Variants in NYAP2 observed in about 807,000 individuals in gnomAD.
NYAP2 encodes the protein neuronal tyrosine-phosphorylated phosphoinositide-3-kinase adaptor 2.
Under a neutral mutation model 50.4 loss-of-function variants are expected in NYAP2, and 23 were observed. The observed-to-expected ratio is 0.46, with a 90% CI of 0.33 to 0.65. The LOEUF (loss-of-function observed/expected upper bound fraction) is 0.65, where lower values mean the gene tolerates loss of function less well. Ranked by LOEUF, NYAP2 falls within the 30% of genes least tolerant of loss-of-function variation. The pLI is 0.02. For missense variants in NYAP2, 885 were observed against 861.0 expected (o/e 1.03, Z -0.35); for synonymous variants, 394 against 365.2 (o/e 1.08, Z -0.90).
At chr2:225,566,398 C>A (rs975761828) in intron 4 of NYAP2, among the ~76,000 whole-genome samples, 3 of 152,184 alleles carry the variant, frequency 2.0e-5, no homozygotes, top group Non-Finnish European at 4.4e-5. Context: ...GGATAATCCT[C>A]AGTAGACTGT....
intron 4 of NYAP2, among the ~76,000 whole-genome samples, chr2:225,524,014 A>T (rs1691110525): frequency 6.6e-6 from 1 of 152,190 alleles, no homozygotes; most frequent in African/African-American, 2.4e-5. Flanking sequence ...AAAAGAATGA[A>T]GCTTGTATTA....
the NYAP2 span, among the ~76,000 whole-genome samples, chr2:225,664,996 T>C: frequency 6.6e-6 from 1 of 152,146 alleles, no homozygotes; most frequent in Non-Finnish European, 1.5e-5. Flanking sequence ...AGGCAGAACA[T>C]GAACTATGAT....
intron 3 of NYAP2, among the ~76,000 whole-genome samples, chr2:225,430,209 T>C (rs866426167): frequency 6.6e-6 from 1 of 152,202 alleles, no homozygotes; most frequent in South Asian, 2.1e-4. Flanking sequence ...TCCTTTCTAT[T>C]GAACTCACCA....
the NYAP2 span, among the ~76,000 whole-genome samples, chr2:225,695,896 C>A: frequency 6.6e-6 from 1 of 151,880 alleles, no homozygotes; most frequent in Non-Finnish European, 1.5e-5. Context: ...GCATAAAATA[C>A]AGCCCATTTT....
chr2:225,687,134 A>G, the NYAP2 span, among the ~76,000 whole-genome samples: 1 of 152,110 alleles, frequency 6.6e-6, no homozygotes, highest in African/African-American at 2.4e-5. Flanking sequence ...TGCAATTCTA[A>G]TTCTGTCTTC....
intron 3 of NYAP2, among the ~76,000 whole-genome samples, chr2:225,475,215 A>G (rs556693882): frequency 2.0e-5 from 3 of 152,292 alleles, no homozygotes; most frequent in African/African-American, 7.2e-5. Context: ...AACTTATCCA[A>G]ACTGACCAGT....
chr2:225,515,713 T>C (rs1237099956), intron 4 of NYAP2, among the ~76,000 whole-genome samples: 3 of 152,216 alleles, frequency 2.0e-5, no homozygotes, highest in African/African-American at 7.2e-5. Flanking sequence ...ATGGTGCTTT[T>C]CATTTCTCTT....
chr2:225,680,362 T>C, the NYAP2 span, among the ~76,000 whole-genome samples: 5 of 151,936 alleles, frequency 3.3e-5, no homozygotes, highest in Admixed American at 6.5e-5. Context: ...TGCTTACACA[T>C]AGAAAGGGGT....
intron 4 of NYAP2, among the ~76,000 whole-genome samples, chr2:225,544,453 C>T (rs1010762082): frequency 6.6e-6 from 1 of 151,728 alleles, no homozygotes; most frequent in Admixed American, 6.6e-5. Flanking sequence ...ATTTGAGTTA[C>T]CATGAGGTTT....
the NYAP2 span, among the ~76,000 whole-genome samples, chr2:225,673,492 A>G: frequency 1.1e-4 from 17 of 152,266 alleles, no homozygotes; most frequent in African/African-American, 3.9e-4. Flanking sequence ...ATGAAGCACA[A>G]TAAAGCAAAG....
downstream of NYAP2, among the ~76,000 whole-genome samples, chr2:225,657,884 T>TATG (rs762214036): frequency 3.3e-5 from 5 of 152,210 alleles, no homozygotes; most frequent in African/African-American, 4.8e-5. Context: ...AGCCACAGAA[T>TATG]ATGTAGTTGG....
At chr2:225,597,102 T>A (rs1692612987) in intron 5 of NYAP2, among the ~76,000 whole-genome samples, 1 of 152,128 alleles carries the variant, frequency 6.6e-6, no homozygotes, top group Non-Finnish European at 1.5e-5. Context: ...TCTAATGTCC[T>A]GGGGTTAAAA....
intron 5 of NYAP2, among the ~76,000 whole-genome samples, chr2:225,590,596 C>T (rs970714683): frequency 2.6e-5 from 4 of 152,154 alleles, no homozygotes; most frequent in Admixed American, 2.0e-4. Flanking sequence ...TGAGCATCAC[C>T]ATTGACTTGT....
intron 4 of NYAP2, among the ~76,000 whole-genome samples, chr2:225,519,993 G>A (rs895505992): frequency 6.6e-5 from 10 of 152,068 alleles, no homozygotes; most frequent in African/African-American, 1.4e-4. Context: ...ATCTCATTGT[G>A]GTTTTGATTT....
intron 3 of NYAP2, among the ~76,000 whole-genome samples, chr2:225,448,815 T>C (rs1254573981): frequency 6.6e-6 from 1 of 152,232 alleles, no homozygotes. Context: ...GTTCTAAGTT[T>C]AGGTTATTAA....
At chr2:225,488,250 G>T (rs1690338154) in intron 3 of NYAP2, among the ~76,000 whole-genome samples, 1 of 152,176 alleles carries the variant, frequency 6.6e-6, no homozygotes, top group South Asian at 2.1e-4. Context: ...GCCAGGAAAA[G>T]AATGATAATC....
chr2:225,697,581 C>T, the NYAP2 span, among the ~76,000 whole-genome samples: 1 of 151,856 alleles, frequency 6.6e-6, no homozygotes, highest in Non-Finnish European at 1.5e-5. Context: ...TCATTCAAAT[C>T]TTTAAAACAT....
At chr2:225,442,256 C>A (rs1689483631) in intron 3 of NYAP2, among the ~76,000 whole-genome samples, 1 of 152,114 alleles carries the variant, frequency 6.6e-6, no homozygotes, top group East Asian at 1.9e-4. Context: ...AAAGAAAAAA[C>A]TGGCAGGTCC....
At chr2:225,691,944 C>A in the NYAP2 span, among the ~76,000 whole-genome samples, 1 of 151,782 alleles carries the variant, frequency 6.6e-6, no homozygotes, top group East Asian at 1.9e-4. Flanking sequence ...AGAGGTTGGC[C>A]CAGAGACAGC....
Sources: gnomAD v4.1 joint callset for allele counts (sites outside exome capture counted in the v4.1 genomes callset) on GRCh38, gnomAD v4.1.1 for gene constraint, MANE v1.5 for transcripts, NCBI Gene and HGNC (gene_info 2026-07-23, HGNC 2026-07-21) for gene names.